The following PLCH1 variants were observed in gnomAD, a reference collection of about 807,000 sequenced individuals.
The protein encoded by PLCH1 is phospholipase C eta 1.
PLCH1 carries 60 observed loss-of-function variants against 126.7 expected under a neutral mutation model. The observed-to-expected ratio is 0.47, with a 90% confidence interval of 0.38 to 0.59. The LOEUF is 0.59. PLCH1 is among the 20% of genes least tolerant of loss of function. The pLI, the probability that PLCH1 is intolerant of heterozygous loss-of-function variation, is 0.00. For missense variants in PLCH1, 1,723 were observed against 2,040.0 expected (o/e 0.84, Z 2.99); for synonymous variants, 719 against 734.9 (o/e 0.98, Z 0.35).
intron 15 of PLCH1, among the ~76,000 whole-genome samples, chr3:155,496,461 G>T (rs567886298): frequency 6.6e-6 from 1 of 152,006 alleles, no homozygotes; most frequent in South Asian, 2.1e-4. Context: ...AGGAATCAAG[G>T]CCAAAGGGAA....
intron 6 of PLCH1, among the ~76,000 whole-genome samples, chr3:155,579,896 C>CTCTCT (rs1730443675): frequency 6.7e-6 from 1 of 149,698 alleles, no homozygotes; most frequent in South Asian, 2.1e-4. Flanking sequence ...GTCTCTCTTT[C>CTCTCT]TCTCTCTCTC....
At position 155,514,835 on chromosome 3, in the gene PLCH1, A is replaced by G. The variant is rs1720090746; in HGVS notation, c.1520T>C (p.Leu507Pro). The G allele has an allele frequency of 6.2e-7, 1 of 1,612,070 alleles. No individual in the cohort carries two copies. The change falls in exon 12 of 23, where the codon CTG becomes CCG. Residue 507 changes from leucine (L) to proline (P), a missense_variant. Leu to Pro is a moderately conservative substitution (Grantham distance 98). Around this residue, in one of 2 missense-constraint regions of PLCH1, gnomAD observed 776 missense variants for 1,062.9 expected, o/e 0.73. Transcript: ENST00000460012. ...TTGAGATTCTTTTAACAGTGACTCCAGTTTTTTCCTTATGAAAGATTCCAC... is the reference window on the plus strand; with the variant it reads ...TTGAGATTCTTTTAACAGTGACTCCGGTTTTTTCCTTATGAAAGATTCCAC... The part of the protein sequence containing the change: ...HQVESFIRKK[L>P]ESLLKESQIR...
chr3:155,678,104 C>G (rs539775281), intron 2 of PLCH1, among the ~76,000 whole-genome samples: 1 of 152,290 alleles, frequency 6.6e-6, no homozygotes, highest in South Asian at 2.1e-4. Context: ...AAAGATCCCC[C>G]TCCCCACTCC....
intron 1 of PLCH1, among the ~76,000 whole-genome samples, chr3:155,724,813 T>TGTG (rs1015618805): frequency 5.0e-4 from 70 of 140,156 alleles, no homozygotes; most frequent in South Asian, 4.2e-3. Context: ...TTGGGGGGTT[T>TGTG]TGTGTGTGTG....
Position 155,481,380 on chromosome 3 carries a change from T to C in PLCH1, c.4646A>G (p.Asn1549Ser). The C allele has an allele frequency of 6.2e-7, 1 of 1,614,212 alleles. No individual in the cohort carries two copies. The highest frequency in any genetic ancestry group is 1.3e-5 in the African/African-American group (1 of 75,054). ...RKLVSFDQED[N>S]CQVLYSKQDA... ...CTGCTTTGAATATAGCACTTGGCAG[T>C]TGTCTTCCTGGTCAAAGGACACAAG... The change falls in exon 23 of 23, where the codon AAC (asparagine) becomes AGC (serine). Residue 1549 changes from asparagine to serine, a missense_variant. Around this residue, in one of 2 missense-constraint regions of PLCH1, gnomAD observed 947 missense variants for 977.1 expected, o/e 0.97. Transcript: ENST00000460012. The surrounding 1 kb of genome is among the most constrained non-coding windows in gnomAD (Gnocchi z 4.2).
chr3:155,719,436 A>T (rs1747780397), intron 1 of PLCH1, among the ~76,000 whole-genome samples: 1 of 152,188 alleles, frequency 6.6e-6, no homozygotes, highest in Non-Finnish European at 1.5e-5. Context: ...TAATGGGTGC[A>T]GCACACCAAC....
At position 155,470,576 on chromosome 3, in the gene PLCH1, C is replaced by T. The variant is rs1022453501; in HGVS notation, c.2938+14780G>A. 4.9e-4 allele frequency among the ~76,000 whole-genome samples: 74 copies of T among 152,180 alleles called. 1 individual carries two copies. The highest frequency in any genetic ancestry group is 1.6e-3 in the African/African-American group (67 of 41,504). On this transcript the variant is annotated intron_variant, in intron 21 of 21. Transcript: ENST00000494598. ...GTTCAGATTCAGGAAATACAGAAAACGCCACAAAGATACTCCTCGAGAAGA... is the reference window on the plus strand; with the variant it reads ...GTTCAGATTCAGGAAATACAGAAAATGCCACAAAGATACTCCTCGAGAAGA...
chr3:155,594,876 T>A (rs1362757352), intron 3 of PLCH1, among the ~76,000 whole-genome samples: 4 of 152,206 alleles, frequency 2.6e-5, no homozygotes, highest in Non-Finnish European at 4.4e-5. Context: ...TAGAGTGGAC[T>A]TTGGTGTTTT....
chr3:155,685,363 A>G (rs2109025134), intron 2 of PLCH1, among the ~76,000 whole-genome samples: 1 of 152,368 alleles, frequency 6.6e-6, no homozygotes, highest in Admixed American at 6.5e-5. Flanking sequence ...AAAATTATCA[A>G]CTTATTAAAA....
At chr3:155,606,637 T>G (rs1488063068) in intron 2 of PLCH1, among the ~76,000 whole-genome samples, 1 of 152,210 alleles carries the variant, frequency 6.6e-6, no homozygotes, top group Admixed American at 6.5e-5. Flanking sequence ...CACAGGAAAA[T>G]ACTCCTTTCT....
At chr3:155,522,964 G>A (rs1483805184) in intron 11 of PLCH1, among the ~76,000 whole-genome samples, 2 of 124,882 alleles carry the variant, frequency 1.6e-5, no homozygotes, top group Non-Finnish European at 3.2e-5. Flanking sequence ...CTTTTTTTGC[G>A]GGGGGGGTGG....
chr3:155,662,063 A>C (rs1742225721), intron 2 of PLCH1, among the ~76,000 whole-genome samples: 1 of 152,176 alleles, frequency 6.6e-6, no homozygotes, highest in African/African-American at 2.4e-5. Context: ...GGGGCCCATC[A>C]CCCACATAGT....
intron 10 of PLCH1, among the ~76,000 whole-genome samples, chr3:155,538,992 G>A (rs984758751): frequency 2.0e-5 from 3 of 150,586 alleles, no homozygotes; most frequent in African/African-American, 4.9e-5. Flanking sequence ...GAACATAGAC[G>A]CAAAAATCCT....
intron 2 of PLCH1, among the ~76,000 whole-genome samples, chr3:155,604,597 A>G (rs577498357): frequency 3.3e-5 from 5 of 152,174 alleles, no homozygotes; most frequent in Non-Finnish European, 7.4e-5. Context: ...ACCTTTTTCT[A>G]TTTGTATTAA....
At chr3:155,523,064 T>C (rs1383139646) in intron 11 of PLCH1, among the ~76,000 whole-genome samples, 1 of 152,056 alleles carries the variant, frequency 6.6e-6, no homozygotes, top group Non-Finnish European at 1.5e-5. Context: ...AAGCTCCGCC[T>C]CCCAGGTTCA....
intron 21 of PLCH1, among the ~76,000 whole-genome samples, chr3:155,451,612 C>T (rs976335997): frequency 5.3e-5 from 8 of 152,234 alleles, no homozygotes; most frequent in Middle Eastern, 3.4e-3. Flanking sequence ...GCAATGTGTG[C>T]GGGCCTCTTT....
rs188019871 is a variant in PLCH1 at position 155,621,369 on chromosome 3, A to G, written c.80-24991T>C. ...AATGCCTCTTCTCCAAAGGATCACAACTCCTCACCAGCAAGGGAACAAAAC... is the reference window on the plus strand; with the variant it reads ...AATGCCTCTTCTCCAAAGGATCACAGCTCCTCACCAGCAAGGGAACAAAAC... On this transcript the variant is annotated intron_variant, in intron 2 of 22. Coordinates refer to ENST00000460012, the MANE Select transcript of PLCH1 (RefSeq NM_014996.4). Among the ~76,000 whole-genome samples the G allele has an allele frequency of 1.6e-4, 24 of 152,166 alleles. No individual in the cohort carries two copies. The East Asian group carries it at 4.4e-3, about 28-fold the overall frequency.
chr3:155,669,395 A>T (rs951116932), intron 2 of PLCH1, among the ~76,000 whole-genome samples: 12 of 152,156 alleles, frequency 7.9e-5, no homozygotes, highest in African/African-American at 2.7e-4. Context: ...CATGGGCAAC[A>T]TACTGAGACC....
At chr3:155,553,117 T>C (rs1726353525) in intron 9 of PLCH1, among the ~76,000 whole-genome samples, 1 of 152,100 alleles carries the variant, frequency 6.6e-6, no homozygotes, top group Non-Finnish European at 1.5e-5. Context: ...ATTTTTATTT[T>C]TATTTTTATT....
Sources: gnomAD v4.1 joint callset for allele counts (sites outside exome capture counted in the v4.1 genomes callset) on GRCh38, gnomAD v4.1.1 for gene constraint, gnomAD v4.1.1 regional missense constraint, Gnocchi (gnomAD v3.1) non-coding constraint, MANE v1.5 for transcripts, NCBI Gene and HGNC (gene_info 2026-07-23, HGNC 2026-07-21) for gene names.